The following CPM variants were observed in gnomAD, a reference collection of about 807,000 sequenced individuals.
CPM encodes the protein renal carboxypeptidase.
Under a neutral mutation model 46.4 loss-of-function variants are expected in CPM, and 35 were observed. The ratio of observed to expected loss-of-function variants is 0.75; its 90% confidence interval spans 0.58 to 1.00. The LOEUF (loss-of-function observed/expected upper bound fraction) is 1.00. Ranked by LOEUF, CPM falls within the 50% of genes least tolerant of loss-of-function variation. The probability of loss-of-function intolerance (pLI) is 0.00; values close to 1 mark genes in which losing one functional copy is unlikely to be tolerated. For synonymous variants in CPM, 195 were observed against 195.3 expected (o/e 1.00, Z 0.01); for missense variants, 422 against 530.4 (o/e 0.80, Z 2.01).
chr12:68,945,297 G>T (rs1194238046), intron 1 of CPM, among the ~76,000 whole-genome samples: 1 of 152,190 alleles, frequency 6.6e-6, no homozygotes, highest in Non-Finnish European at 1.5e-5. Context: ...CCCATGGTTA[G>T]CTCTTTGTGC....
intron 2 of CPM, among the ~76,000 whole-genome samples, chr12:68,930,562 G>A (rs1888457457): frequency 6.6e-6 from 1 of 152,226 alleles, no homozygotes. Flanking sequence ...ACCAGTTGGA[G>A]CCAAATGGCA....
chr12:68,886,504 C>A (rs1018876626), intron 2 of CPM, among the ~76,000 whole-genome samples: 1 of 151,994 alleles, frequency 6.6e-6, no homozygotes, highest in African/African-American at 2.4e-5. Context: ...TGGTGGCGGG[C>A]GCCTGTAGTC....
chr12:68,864,229 G>A (rs187548791), intron 7 of CPM, among the ~76,000 whole-genome samples: 1 of 152,318 alleles, frequency 6.6e-6, no homozygotes, highest in Admixed American at 6.5e-5. Context: ...CGGATCACCT[G>A]AGGTCAGGAG....
At chr12:68,896,286 A>C (rs1424504378) in intron 2 of CPM, among the ~76,000 whole-genome samples, 1 of 151,968 alleles carries the variant, frequency 6.6e-6, no homozygotes, top group Non-Finnish European at 1.5e-5. Context: ...CCCATCCCCT[A>C]CCACCCTAAG....
intron 2 of CPM, among the ~76,000 whole-genome samples, chr12:68,912,552 T>C (rs1887641638): frequency 1.3e-5 from 2 of 152,178 alleles, no homozygotes; most frequent in Admixed American, 6.5e-5. Flanking sequence ...AGAGGGAGTA[T>C]AAGAAAAGGC....
chr12:68,913,240 C>T (rs1887671977), intron 2 of CPM, among the ~76,000 whole-genome samples: 1 of 152,194 alleles, frequency 6.6e-6, no homozygotes, highest in South Asian at 2.1e-4. Flanking sequence ...CTACTGTCCC[C>T]TACCCTCTCA....
intron 2 of CPM, among the ~76,000 whole-genome samples, chr12:68,923,250 T>TG (rs57098886): frequency 1 from 149,832 of 150,430 alleles, 74,620 homozygotes; most frequent in East Asian, 1. Context: ...TCTTTTGTTT[T>TG]TTTTTTTACA....
At chr12:68,928,531 A>G (rs1565802512) in intron 2 of CPM, among the ~76,000 whole-genome samples, 2 of 152,204 alleles carry the variant, frequency 1.3e-5, no homozygotes, top group Non-Finnish European at 2.9e-5. Flanking sequence ...TGTTTTGTAA[A>G]TGAGGATAAG....
intron 2 of CPM, among the ~76,000 whole-genome samples, chr12:68,893,680 C>G (rs558720284): frequency 2.2e-4 from 34 of 152,278 alleles, no homozygotes; most frequent in African/African-American, 7.9e-4. Context: ...AGAAGGCTTC[C>G]CTGTTTAGGC....
At chr12:68,846,399 T>A (rs546814823), downstream of CPM, 9 of 152,338 alleles carry the variant, frequency 5.9e-5, no homozygotes, top group African/African-American at 2.2e-4. Context: ...AAATTTCACC[T>A]TTTAAATTTA....
rs113511976 is a variant in CPM, at chr12:68,893,284, C to T, written c.161-7395G>A. On this transcript the variant is annotated intron_variant, in intron 2 of 8. Transcript: ENST00000551568. ...ATGGCAAACCACCTGGCATGCACTG[C>T]GATTTCTGTAGAGTTTCAGGTTTGG... is the stretch of plus-strand genomic sequence containing the variant. Among the ~76,000 whole-genome samples, 208 of 152,202 alleles carry T rather than the reference C, an allele frequency of 1.4e-3. 1 individual carries two copies. Among genetic ancestry groups the T allele is most frequent in the African/African-American group, 4.7e-3 (195 of 41,516 alleles).
intron 3 of CPM, among the ~76,000 whole-genome samples, chr12:68,874,947 A>C (rs1885877171): frequency 1.3e-5 from 2 of 152,240 alleles, no homozygotes; most frequent in Admixed American, 1.3e-4. Flanking sequence ...ACCGAAAGAA[A>C]GTGAAAAGGA....
chr12:68,923,160 AGTGTGTGTGTGTGT>A lies in CPM; in HGVS notation c.160+9504_160+9517del, dbSNP rs869087872. On this transcript the variant is annotated intron_variant, in intron 2 of 8. Coordinates refer to ENST00000551568, the MANE Select transcript of CPM (RefSeq NM_198320.5). Reference sequence around the variant, plus strand: ...AAATGCATGTTGGTATTTGATATAGAGTGTGTGTGTGTGTGTGTGTGTGTGTGTGTGTGTGTGTG... The same window carrying A: ...AAATGCATGTTGGTATTTGATATAGAGTGTGTGTGTGTGTGTGTGTGTGTG... Among the ~76,000 whole-genome samples, 19 of 45,716 alleles carry A rather than the reference AGTGTGTGTGTGTGT, an allele frequency of 4.2e-4. No individual in the cohort carries two copies. The East Asian group carries it at 4.7e-3, about 11-fold the overall frequency. The allele number at this position is 45,716 out of a possible 152,430, so 30.0% of individuals were successfully genotyped here. A position where few individuals can be genotyped will look rare whatever the true frequency, so the allele number is the denominator to read the frequency against.
intron 5 of CPM, chr12:68,842,560 T>A (rs1434508747): frequency 5.8e-6 from 2 of 347,204 alleles, no homozygotes; most frequent in Non-Finnish European, 1.1e-5. Context: ...TTTGATCGCA[T>A]CTCATTGTTA....
chr12:68,859,101 A>G, intron 7 of CPM, 30 bp from the exon 8 acceptor site: 1 of 1,298,798 alleles, frequency 7.7e-7, no homozygotes, highest in Non-Finnish European at 1.0e-6. Context: ...TTAAATATTA[A>G]TACCATATTT....
chr12:68,950,801 G>A (rs1888921684), intron 1 of CPM, among the ~76,000 whole-genome samples: 1 of 152,224 alleles, frequency 6.6e-6, no homozygotes, highest in South Asian at 2.1e-4. Context: ...TAGGCCTGGA[G>A]GTAGGGAGAT....
At chr12:68,903,183 T>A (rs183457247) in intron 2 of CPM, among the ~76,000 whole-genome samples, 1 of 152,372 alleles carries the variant, frequency 6.6e-6, no homozygotes, top group African/African-American at 2.4e-5. Flanking sequence ...TGGGAATTGC[T>A]AAATTTCTCA....
intron 3 of CPM, among the ~76,000 whole-genome samples, chr12:68,882,889 C>G (rs942584510): frequency 2.0e-5 from 3 of 152,134 alleles, no homozygotes; most frequent in African/African-American, 7.2e-5. Flanking sequence ...AATTCTAAAA[C>G]AAGGCATAAA....
intron 7 of CPM, 26 bp downstream of exon 7, chr12:68,866,870 G>A (rs1885473036): frequency 4.4e-6 from 7 of 1,582,954 alleles, no homozygotes; most frequent in Non-Finnish European, 6.1e-6. Flanking sequence ...GTATTAATAG[G>A]GAATTAATAA....
Sources: allele counts gnomAD v4.1 joint callset (sites outside exome capture counted in the v4.1 genomes callset), GRCh38; gene constraint gnomAD v4.1.1; transcripts MANE v1.5; gene names NCBI Gene and HGNC (gene_info 2026-07-23, HGNC 2026-07-21).